Variants in FOXP1 observed in about 807,000 individuals in gnomAD.
FOXP1 encodes forkhead box protein P1.
Under a neutral mutation model 98.2 loss-of-function variants are expected in FOXP1, and 15 were observed. That is an observed-to-expected ratio of 0.15 (90% CI 0.10 to 0.24). FOXP1 has a LOEUF of 0.24. Ranked by LOEUF, FOXP1 falls within the 10% of genes least tolerant of loss-of-function variation. The probability of loss-of-function intolerance (pLI) is 1.00; values close to 1 mark genes in which losing one functional copy is unlikely to be tolerated. For synonymous variants in FOXP1, 371 were observed against 314.5 expected, an observed-to-expected ratio of 1.18 and a Z score of -1.90; for missense variants, 633 against 848.5, an observed-to-expected ratio of 0.75 and a Z score of 3.15.
At chr3:71,274,209 C>T (rs550621874) in intron 5 of FOXP1, among the ~76,000 whole-genome samples, 14 of 152,172 alleles carry the variant, frequency 9.2e-5, no homozygotes, top group Admixed American at 2.6e-4. Flanking sequence ...GTTCCCAGGC[C>T]TATAGGAGCT....
chr3:71,141,646 G>GGGCCT (rs1243232484), intron 6 of FOXP1, among the ~76,000 whole-genome samples: 1 of 152,180 alleles, frequency 6.6e-6, no homozygotes, highest in African/African-American at 2.4e-5. Flanking sequence ...TCTAGGCACT[G>GGGCCT]GGCCTAGGAG....
chr3:71,329,349 G>A (rs2076147261), intron 4 of FOXP1, among the ~76,000 whole-genome samples: 1 of 151,924 alleles, frequency 6.6e-6, no homozygotes, highest in Admixed American at 6.6e-5. Context: ...AGCCTTCCGA[G>A]TAGCTGGGAC....
At chr3:71,051,515 G>A (rs1000945274) in intron 9 of FOXP1, among the ~76,000 whole-genome samples, 5 of 152,192 alleles carry the variant, frequency 3.3e-5, no homozygotes, top group African/African-American at 1.2e-4. Context: ...CAGGGACGTC[G>A]AGTCACCTGG....
At chr3:71,454,964 A>G (rs920653442) in intron 3 of FOXP1, among the ~76,000 whole-genome samples, 6 of 152,242 alleles carry the variant, frequency 3.9e-5, no homozygotes, top group Admixed American at 2.6e-4. Context: ...GTTTCAATAT[A>G]CTGTTAAACT....
intron 7 of FOXP1, among the ~76,000 whole-genome samples, chr3:71,102,487 G>A (rs1054628742): frequency 5.3e-5 from 8 of 152,076 alleles, no homozygotes; most frequent in Non-Finnish European, 7.4e-5. Flanking sequence ...TAATTACATC[G>A]GTACACAAAT....
intron 5 of FOXP1, among the ~76,000 whole-genome samples, chr3:71,245,541 G>C (rs563153868): frequency 6.6e-6 from 1 of 152,176 alleles, no homozygotes; most frequent in South Asian, 2.1e-4. Context: ...CCCTTGCAGA[G>C]ATACAAGCCT....
rs1366545888 is a variant in FOXP1 at position 71,582,875 on chromosome 3, CG to C, written c.-447+695del. The C allele has an allele frequency of 6.5e-6, 6 of 922,398 alleles. No individual in the cohort carries two copies. In the East Asian group the frequency reaches 7.1e-4, roughly 109 times the overall value. 57.1% of individuals were successfully genotyped at this position (922,398 alleles called of 1,614,324 possible). On this transcript the variant is annotated intron_variant, in intron 1 of 20. Coordinates refer to ENST00000649528, the MANE Select transcript of FOXP1 (RefSeq NM_001349338.3). ...TCTCGGGGTAACGCGCGCGTGGCAG[CG>C]GGGAAGTTCCCCAGTGCGGGGCCCA... is the stretch of plus-strand genomic sequence containing the variant.
At chr3:71,539,278 A>ATTT (rs59674177) in intron 2 of FOXP1, among the ~76,000 whole-genome samples, 3 of 114,950 alleles carry the variant, frequency 2.6e-5, no homozygotes, top group African/African-American at 6.8e-5. Flanking sequence ...TGCCCAGCTA[A>ATTT]TTTTTTTTTT....
chr3:71,523,783 C>G (rs930091809), intron 2 of FOXP1, among the ~76,000 whole-genome samples: 1 of 152,098 alleles, frequency 6.6e-6, no homozygotes, highest in Admixed American at 6.5e-5. Flanking sequence ...TCACAGGGCC[C>G]TAAAATGAAT....
At chr3:71,198,534 C>G in intron 5 of FOXP1, 142 bp from the exon 6 acceptor site, 1 of 744,866 alleles carries the variant, frequency 1.3e-6, no homozygotes, top group South Asian at 1.7e-5. Context: ...TTCTTTCACT[C>G]AACTTATCCC....
chr3:71,109,133 A>G (rs2037533), intron 7 of FOXP1, among the ~76,000 whole-genome samples: 19,990 of 152,300 alleles, frequency 0.13, 1,744 homozygotes, highest in Middle Eastern at 0.27. Flanking sequence ...GCCTTCATTA[A>G]TAAACCACAT....
chr3:71,463,793 G>T (rs2088410182), intron 3 of FOXP1, among the ~76,000 whole-genome samples: 1 of 152,062 alleles, frequency 6.6e-6, no homozygotes, highest in Non-Finnish European at 1.5e-5. Flanking sequence ...GGCTACTCTT[G>T]GTTCTTGGCT....
chr3:71,109,270 G>T (rs551053611), intron 7 of FOXP1, among the ~76,000 whole-genome samples: 3 of 152,114 alleles, frequency 2.0e-5, no homozygotes, highest in Non-Finnish European at 2.9e-5. Flanking sequence ...TATATTTTAT[G>T]ATCTCTATCG....
intron 5 of FOXP1, among the ~76,000 whole-genome samples, chr3:71,205,650 G>C (rs758813383): frequency 6.6e-6 from 1 of 152,070 alleles, no homozygotes; most frequent in Non-Finnish European, 1.5e-5. Context: ...CCAGGGAGGA[G>C]AAACAAACCA....
Position 71,583,589 on chromosome 3 carries a change from C to T in FOXP1, c.-465G>A. 1 of 984,026 alleles carries T rather than the reference C, an allele frequency of 1.0e-6. No homozygotes were observed. Among genetic ancestry groups the T allele is most frequent in the Non-Finnish European group, 1.2e-6 (1 of 829,616 alleles). The allele number at this position is 984,026 out of a possible 1,614,324, so 61.0% of individuals were successfully genotyped here. A position where few individuals can be genotyped will look rare whatever the true frequency, so the allele number is the denominator to read the frequency against. On this transcript the variant is annotated 5_prime_UTR_variant, in exon 1 of 21. Transcript: ENST00000649528. ...AACTCACCCGCTGCAAATGGTCTCTCGGTGCAAACTAAGGTGTTTTCGGGC... is the reference window on the plus strand; with the variant it reads ...AACTCACCCGCTGCAAATGGTCTCTTGGTGCAAACTAAGGTGTTTTCGGGC...
At chr3:71,053,072 C>T (rs182937120) in intron 8 of FOXP1, among the ~76,000 whole-genome samples, 4 of 152,222 alleles carry the variant, frequency 2.6e-5, no homozygotes, top group East Asian at 3.9e-4. Context: ...GCTGTAGTTC[C>T]GAATCTCATC....
intron 4 of FOXP1, among the ~76,000 whole-genome samples, chr3:71,348,549 G>GCA (rs1560349166): frequency 2.7e-5 from 3 of 111,788 alleles, no homozygotes; most frequent in East Asian, 2.8e-4. Context: ...GTGTGTGTGT[G>GCA]CGTGCGCGCG....
At chr3:71,126,336 A>G (rs1575871994) in intron 6 of FOXP1, among the ~76,000 whole-genome samples, 1 of 151,320 alleles carries the variant, frequency 6.6e-6, no homozygotes, top group Non-Finnish European at 1.5e-5. Flanking sequence ...TACAAAAAAA[A>G]AAATTAGCCA....
chr3:71,494,569 T>G (rs1206831073), intron 2 of FOXP1, among the ~76,000 whole-genome samples: 7 of 152,192 alleles, frequency 4.6e-5, no homozygotes, highest in Admixed American at 4.6e-4. Flanking sequence ...AGGAAAGGCT[T>G]CCATTCCTCT....
Sources: gnomAD v4.1 joint callset for allele counts (sites outside exome capture counted in the v4.1 genomes callset) on GRCh38, gnomAD v4.1.1 for gene constraint, MANE v1.5 for transcripts, NCBI Gene and HGNC (gene_info 2026-07-23, HGNC 2026-07-21) for gene names.